REXO5: variants seen among roughly 807,000 people sequenced by gnomAD.
The protein encoded by REXO5 is RNA exonuclease 5, also known as exonuclease NEF-sp.
Under a neutral mutation model 88.5 loss-of-function variants are expected in REXO5, and 48 were observed. The observed-to-expected ratio is 0.54, with a 90% CI of 0.43 to 0.69. The LOEUF is 0.69. Among genes scored for constraint, REXO5 ranks in the 30% least tolerant of loss-of-function variants. The pLI is 0.00. For missense variants in REXO5, 749 were observed against 912.2 expected (o/e 0.82, Z 2.30); for synonymous variants, 311 against 336.5 (o/e 0.92, Z 0.83).
At chr16:20,806,798 A>G in intron 1 of REXO5, 93 bp downstream of exon 1, 4 of 1,263,986 alleles carry the variant, frequency 3.2e-6, no homozygotes, top group Non-Finnish European at 4.3e-6. Context: ...TCGCTTTTTT[A>G]GGGGAACGGG....
At chr16:20,841,802 C>G (rs1290198625) in intron 15 of REXO5, among the ~76,000 whole-genome samples, 1 of 152,066 alleles carries the variant, frequency 6.6e-6, no homozygotes, top group African/African-American at 2.4e-5. Context: ...GACTGGGTTT[C>G]ACCATATTGG....
At chr16:20,832,868 T>A (rs2081367846) in intron 12 of REXO5, 135 bp from the exon 13 acceptor site, 1 of 765,798 alleles carries the variant, frequency 1.3e-6, no homozygotes, top group Non-Finnish European at 2.0e-6. Flanking sequence ...ACTGAATTTT[T>A]AATTTTATTT....
At chr16:20,836,643 C>T (rs1408930292) in intron 13 of REXO5, among the ~76,000 whole-genome samples, 2 of 152,104 alleles carry the variant, frequency 1.3e-5, no homozygotes, top group Non-Finnish European at 1.5e-5. Flanking sequence ...GGGCAAATAC[C>T]AAAGAGTACA....
At chr16:20,829,814 T>A (rs181181059) in intron 11 of REXO5, among the ~76,000 whole-genome samples, 8 of 152,348 alleles carry the variant, frequency 5.3e-5, no homozygotes, top group African/African-American at 1.9e-4. Context: ...GGAACCAGAA[T>A]TGAAACCCAG....
At chr16:20,828,943 C>CA (rs57714781) in intron 11 of REXO5, among the ~76,000 whole-genome samples, 958 of 94,538 alleles carry the variant, frequency 0.01, 9 homozygotes, top group Middle Eastern at 0.032. Context: ...GACTTCATCT[C>CA]AAAAAAAAAA....
At chr16:20,809,628 TG>T (rs1224614348) in intron 2 of REXO5, among the ~76,000 whole-genome samples, 2 of 152,386 alleles carry the variant, frequency 1.3e-5, no homozygotes, top group East Asian at 3.9e-4. Flanking sequence ...CCTTGCAGAT[TG>T]TACACAATTT....
At position 20,827,090 on chromosome 16, in the gene REXO5, C is replaced by T. The variant is rs1194133900; in HGVS notation, c.854C>T (p.Pro285Leu). 6.2e-7 allele frequency: 1 copy of T among 1,613,970 alleles called. No individual in the cohort carries two copies. Among genetic ancestry groups the T allele is most frequent in the Admixed American group, 1.7e-5 (1 of 60,014 alleles). The change falls in exon 9 of 20, where the codon CCA (proline) becomes CTA (leucine). Residue 285 changes from proline (P) to leucine (L), a missense_variant. By Grantham distance (98) the Pro-to-Leu change is moderately conservative. Coordinates refer to ENST00000261377, the MANE Select transcript of REXO5 (RefSeq NM_030941.3). The stretch of plus-strand genomic sequence containing the variant: ...GGAATCACGAAGAAGATTCTTAACC[C>T]AGTGACGACCAAACTCAAAGATGTA... ...FSGITKKILNPVTTKLKDVQR... is the reference protein window; with the variant it reads ...FSGITKKILNLVTTKLKDVQR...
At chr16:20,839,041 A>G (rs1434400099) in intron 13 of REXO5, among the ~76,000 whole-genome samples, 2 of 152,154 alleles carry the variant, frequency 1.3e-5, no homozygotes, top group Admixed American at 6.5e-5. Flanking sequence ...TTGTTAACTC[A>G]TTGTTTCTGT....
chr16:20,817,352 A>G (rs560610892), intron 5 of REXO5, among the ~76,000 whole-genome samples: 2 of 152,216 alleles, frequency 1.3e-5, no homozygotes, highest in Non-Finnish European at 2.9e-5. Context: ...AGTAATCATT[A>G]TGAGATTCTA....
chr16:20,845,384 T>TA (rs1254745720), intron 18 of REXO5, 143 bp downstream of exon 18: 27 of 712,552 alleles, frequency 3.8e-5, no homozygotes, highest in Admixed American at 1.2e-4. Flanking sequence ...CCACATCTTT[T>TA]CTCGCAGATC....
chr16:20,839,884 G>A, intron 14 of REXO5, 25 bp downstream of exon 14: 1 of 1,400,982 alleles, frequency 7.1e-7, no homozygotes. Flanking sequence ...TCTGCTGAAT[G>A]ATTTATTTAG....
intron 13 of REXO5, among the ~76,000 whole-genome samples, chr16:20,838,058 C>T (rs143947500): frequency 3.7e-4 from 57 of 152,262 alleles, no homozygotes; most frequent in Admixed American, 8.5e-4. Flanking sequence ...TGAGCCACCG[C>T]GCCCAGCTGT....
intron 17 of REXO5, 49 bp downstream of exon 17, chr16:20,844,894 G>A (rs761624931): frequency 6.4e-6 from 10 of 1,570,758 alleles, no homozygotes; most frequent in Middle Eastern, 1.9e-4. Context: ...ACTGGGGATG[G>A]TGATAACATG....
intron 5 of REXO5, among the ~76,000 whole-genome samples, chr16:20,817,382 C>T (rs546208613): frequency 6.6e-6 from 1 of 151,928 alleles, no homozygotes; most frequent in African/African-American, 2.4e-5. Context: ...AAAAGCATCA[C>T]GTTGCAAAAG....
In REXO5 at chr16:20,821,746, A is replaced by G. The variant is rs370340721; in HGVS notation, c.476-16A>G. Reference sequence around the variant, plus strand: ...AAACACACATTCTAATATACGTTCAATTGTTTTTCTTTCAGGGCCTTTACC... The same window carrying G: ...AAACACACATTCTAATATACGTTCAGTTGTTTTTCTTTCAGGGCCTTTACC... On this transcript the variant is annotated splice_polypyrimidine_tract_variant and intron_variant, in intron 5 of 19. Coordinates refer to ENST00000261377, the MANE Select transcript of REXO5 (RefSeq NM_030941.3). The G allele has an allele frequency of 1.2e-4, 180 of 1,561,104 alleles. No homozygotes were observed. Among genetic ancestry groups the G allele is most frequent in the Non-Finnish European group, 1.5e-4 (174 of 1,160,812 alleles).
Position 20,837,695 on chromosome 16 carries a change from A to G in REXO5, c.1384-2060A>G, listed in dbSNP as rs1028032452. Among the ~76,000 whole-genome samples, 4 of 151,176 alleles carry G rather than the reference A, an allele frequency of 2.6e-5. No individual in the cohort carries two copies. In the East Asian group the frequency reaches 7.8e-4, roughly 29 times the overall value. ...AATGTTAACTGTATCCTTTAGCCCC[A>G]TGGTTGATTTTTTTTTTTAGGGGGA... On this transcript the variant is annotated intron_variant, in intron 13 of 19. Transcript: ENST00000261377.
At chr16:20,813,342 T>TTATTTTTTA in intron 3 of REXO5, 40 bp downstream of exon 3, 1 of 1,047,076 alleles carries the variant, frequency 9.6e-7, no homozygotes, top group Non-Finnish European at 1.4e-6. Context: ...GACCAGCGGT[T>TTATTTTTTA]TCTTTTTTTT....
Position 20,827,194 on chromosome 16 carries a change from A to G in REXO5, c.958A>G (p.Lys320Glu), listed in dbSNP as rs747190097. ...HSLDLDLRAL[K>E]MIHPYVIDTS... ...CTTAGATTTGGATCTCAGAGCACTG[A>G]AAGTGAGTATCTGATTTAGGACTTT... The change falls in exon 9 of 20, where the codon AAA becomes GAA. Residue 320 changes from lysine (K) to glutamate (E), a missense_variant and splice_region_variant. Physicochemically the swap from Lys to Glu is moderately conservative, Grantham distance 56. Coordinates refer to ENST00000261377, the MANE Select transcript of REXO5 (RefSeq NM_030941.3). The G allele has an allele frequency of 9.9e-6, 16 of 1,614,154 alleles. No homozygotes were observed. The highest frequency in any genetic ancestry group is 1.4e-5 in the Non-Finnish European group (16 of 1,180,008).
intron 11 of REXO5, among the ~76,000 whole-genome samples, chr16:20,829,399 G>GAAC (rs1325122713): frequency 6.6e-6 from 1 of 152,114 alleles, no homozygotes; most frequent in Non-Finnish European, 1.5e-5. Context: ...GTAAATGTTA[G>GAAC]AACAACACAT....
Sources: gnomAD v4.1 joint callset for allele counts (sites outside exome capture counted in the v4.1 genomes callset) on GRCh38, gnomAD v4.1.1 for gene constraint, MANE v1.5 for transcripts, NCBI Gene and HGNC (gene_info 2026-07-23, HGNC 2026-07-21) for gene names.